The following CDS1 variants were observed in gnomAD, a reference collection of about 807,000 sequenced individuals.
CDS1 encodes the protein CDP-diacylglycerol synthase 1.
A neutral mutation model predicts 62.1 loss-of-function variants in CDS1; 41 were observed. That is an observed-to-expected ratio of 0.66 (90% CI 0.51 to 0.86). CDS1 has a LOEUF of 0.86. CDS1 is among the 40% of genes least tolerant of loss of function. The pLI, the probability that CDS1 is intolerant of heterozygous loss-of-function variation, is 0.00. For synonymous variants in CDS1, 185 were observed against 192.6 expected (o/e 0.96, Z 0.32); for missense variants, 470 against 550.1 (o/e 0.85, Z 1.46).
At chr4:84,589,475 C>G (rs1046488604) in intron 1 of CDS1, among the ~76,000 whole-genome samples, 1 of 152,140 alleles carries the variant, frequency 6.6e-6, no homozygotes, top group Non-Finnish European at 1.5e-5. Context: ...AGATCTAGGC[C>G]ATTAATAAAA....
At chr4:84,591,017 C>A (rs1412764109) in intron 1 of CDS1, among the ~76,000 whole-genome samples, 1 of 152,058 alleles carries the variant, frequency 6.6e-6, no homozygotes, top group Admixed American at 6.5e-5. Flanking sequence ...TTTAATGAGA[C>A]TCATATTCTT....
chr4:84,594,741 A>C (rs1479224764), intron 1 of CDS1, among the ~76,000 whole-genome samples: 1 of 152,152 alleles, frequency 6.6e-6, no homozygotes, highest in Non-Finnish European at 1.5e-5. Context: ...AATTTGCTTT[A>C]TCTTGCCATA....
At chr4:84,608,327 C>G (rs1271069964) in intron 2 of CDS1, among the ~76,000 whole-genome samples, 1 of 152,204 alleles carries the variant, frequency 6.6e-6, no homozygotes, top group African/African-American at 2.4e-5. Flanking sequence ...GCGCCCACCA[C>G]TATGCCCGGC....
At chr4:84,624,068 G>A (rs1463539624) in intron 5 of CDS1, among the ~76,000 whole-genome samples, 1 of 151,820 alleles carries the variant, frequency 6.6e-6, no homozygotes, top group Non-Finnish European at 1.5e-5. Context: ...TCAGGAAATC[G>A]AGACCATCCT....
Position 84,599,405 on chromosome 4 carries a change from CATATATATATATATAT to C in CDS1, c.118-4807_118-4792del, listed in dbSNP as rs59313355. ...TTTGGCAAATTTTGACACACACACACATATATATATATATATATATATATATATATATATATATATA... is the reference window on the plus strand; with the variant it reads ...TTTGGCAAATTTTGACACACACACACATATATATATATATATATATATATA... On this transcript the variant is annotated intron_variant, in intron 1 of 12. Transcript: ENST00000295887. Among the ~76,000 whole-genome samples, 66 of 24,700 alleles carry C rather than the reference CATATATATATATATAT, an allele frequency of 2.7e-3. 1 individual carries two copies. The highest frequency in any genetic ancestry group is 7.6e-3 in the African/African-American group (60 of 7,852). The allele number at this position is 24,700 out of a possible 152,430, so 16.2% of individuals were successfully genotyped here.
At chr4:84,642,998 C>T (rs2148660738) in intron 10 of CDS1, 26 bp from the exon 11 acceptor site, 1 of 1,570,534 alleles carries the variant, frequency 6.4e-7, no homozygotes, top group South Asian at 1.2e-5. Flanking sequence ...ATTAGCCCCT[C>T]TCCTCCCCTT....
rs202010904 is a variant in CDS1, at chr4:84,633,892, C to T, written c.675C>T (p.Val225=). Residue 225 remains valine (V), a synonymous_variant, in exon 7 of 13, where the codon GTC becomes GTT. Transcript: ENST00000295887. ...CTCATGTCACTTTACTGATAACTGT[C>T]ACTCAGTCACACCTTGTCATCCAAA... is the stretch of plus-strand genomic sequence containing the variant. ...AWTHVTLLIT[V]TQSHLVIQNL... 1 of 1,602,368 alleles carries T rather than the reference C, an allele frequency of 6.2e-7. No individual in the cohort carries two copies. The highest frequency in any genetic ancestry group is 8.5e-7 in the Non-Finnish European group (1 of 1,173,720).
intron 6 of CDS1, among the ~76,000 whole-genome samples, chr4:84,632,899 G>A (rs943358299): frequency 1.3e-5 from 2 of 152,226 alleles, no homozygotes; most frequent in African/African-American, 2.4e-5. Flanking sequence ...CAAGGCAGGC[G>A]GATACCTTGA....
chr4:84,609,571 A>G lies in CDS1; in HGVS notation c.342+46A>G, dbSNP rs75287618. 556 of 1,035,146 alleles carry G rather than the reference A, an allele frequency of 5.4e-4. 2 individuals are homozygous for G. The African/African-American group carries it at 8.0e-3, about 15-fold the overall frequency. The allele number at this position is 1,035,146 out of a possible 1,614,324, so 64.1% of individuals were successfully genotyped here. A position where few individuals can be genotyped will look rare whatever the true frequency, so the allele number is the denominator to read the frequency against. On this transcript the variant is annotated intron_variant, in intron 3 of 12. Transcript: ENST00000295887. Reference sequence around the variant, plus strand: ...TGAGTGTCTCTTGCTTTGTTTTTCAACATTTATATAGGATTGAAGTAATTT... The same window carrying G: ...TGAGTGTCTCTTGCTTTGTTTTTCAGCATTTATATAGGATTGAAGTAATTT...
chr4:84,645,375 T>C lies in CDS1; in HGVS notation c.1256+50T>C, dbSNP rs112553426. On this transcript the variant is annotated intron_variant, in intron 12 of 12. Transcript: ENST00000295887. Reference sequence around the variant, plus strand: ...TTAGATGATTTCTTTGAGTTCTCATTTCCATCAACATTAGTTTGAGTAAGT... The same window carrying C: ...TTAGATGATTTCTTTGAGTTCTCATCTCCATCAACATTAGTTTGAGTAAGT... The C allele has an allele frequency of 2.7e-6, 3 of 1,119,644 alleles. No individual in the cohort carries two copies. The African/African-American group carries it at 4.6e-5, about 17-fold the overall frequency. The allele number at this position is 1,119,644 out of a possible 1,614,324, so 69.4% of individuals were successfully genotyped here.
intron 1 of CDS1, among the ~76,000 whole-genome samples, chr4:84,599,397 CACACACACATAT>C (rs2110041924): frequency 7.6e-5 from 1 of 13,152 alleles, no homozygotes; most frequent in South Asian, 4.7e-3. Flanking sequence ...AATTTTGACA[CACACACACATAT>C]ATATATATAT....
intron 8 of CDS1, among the ~76,000 whole-genome samples, chr4:84,638,201 C>G (rs1001820623): frequency 2.4e-4 from 37 of 152,160 alleles, no homozygotes; most frequent in Middle Eastern, 3.2e-3. Flanking sequence ...CCACTAACTT[C>G]TAGATTTTTT....
At chr4:84,639,913 A>G (rs1419454072) in intron 9 of CDS1, among the ~76,000 whole-genome samples, 1 of 152,008 alleles carries the variant, frequency 6.6e-6, no homozygotes, top group African/African-American at 2.4e-5. Context: ...GAAGAATGCA[A>G]AAGGATCCAA....
chr4:84,635,321 ATT>A lies in CDS1; in HGVS notation c.788_789del (p.Phe263TrpfsTer7). On this transcript the variant is annotated frameshift_variant, in exon 8 of 13. Transcript: ENST00000295887. LOFTEE classifies it high-confidence loss of function. ...CNDITAYLFG[F>X]FFGRTPLIKL... The stretch of plus-strand genomic sequence containing the variant: ...ATGACATAACTGCTTACCTTTTTGG[ATT>A]TTTTTTTGGGAGAACTCCATTAATT... 1.9e-6 allele frequency: 3 copies of A among 1,545,210 alleles called. No individual in the cohort carries two copies. Among genetic ancestry groups the A allele is most frequent in the South Asian group, 1.2e-5 (1 of 86,406 alleles).
chr4:84,635,688 TTCCC>T (rs1560481711), intron 8 of CDS1, among the ~76,000 whole-genome samples: 9 of 56,500 alleles, frequency 1.6e-4, no homozygotes, highest in African/African-American at 7.3e-4. Flanking sequence ...CCTTCCTTCC[TTCCC>T]TCCTTCCCTC....
At chr4:84,588,678 C>G (rs1010251980) in intron 1 of CDS1, among the ~76,000 whole-genome samples, 1 of 151,844 alleles carries the variant, frequency 6.6e-6, no homozygotes, top group Non-Finnish European at 1.5e-5. Context: ...GATGGGGGGG[C>G]CACAGGAGTT....
At position 84,640,374 on chromosome 4, in the gene CDS1, C is replaced by T. The variant is rs1424206610; in HGVS notation, c.880-464C>T. ...TGTATCTTATTTCCAAGGCTGTGGA[C>T]AGCTAGTTTTAAAAATTGCAATGGT... On this transcript the variant is annotated intron_variant, in intron 9 of 12. Coordinates refer to ENST00000295887, the MANE Select transcript of CDS1 (RefSeq NM_001263.4). 2.6e-5 allele frequency among the ~76,000 whole-genome samples: 4 copies of T among 151,840 alleles called. No individual in the cohort carries two copies. The East Asian group carries it at 7.7e-4, about 29-fold the overall frequency.
At chr4:84,608,236 C>G (rs111371082) in intron 2 of CDS1, among the ~76,000 whole-genome samples, 1 of 152,092 alleles carries the variant, frequency 6.6e-6, no homozygotes, top group African/African-American at 2.4e-5. Context: ...TGCAGTGGCG[C>G]GATCTTGGCT....
At chr4:84,626,267 T>A (rs1329114578) in intron 5 of CDS1, among the ~76,000 whole-genome samples, 1 of 152,236 alleles carries the variant, frequency 6.6e-6, no homozygotes, top group East Asian at 1.9e-4. Context: ...TATGAAAAGT[T>A]GTTTATATAT....
Sources: allele counts gnomAD v4.1 joint callset (sites outside exome capture counted in the v4.1 genomes callset), GRCh38; gene constraint gnomAD v4.1.1; transcripts MANE v1.5; gene names NCBI Gene and HGNC (gene_info 2026-07-23, HGNC 2026-07-21).